PCDHGA5: variants seen among roughly 807,000 people sequenced by gnomAD.
PCDHGA5 encodes protocadherin gamma-A5.
Under a neutral mutation model 56.7 loss-of-function variants are expected in PCDHGA5, and 36 were observed. The observed-to-expected ratio is 0.64, with a 90% CI of 0.49 to 0.84. PCDHGA5 has a LOEUF of 0.84. PCDHGA5 is among the 40% of genes least tolerant of loss of function. The pLI, the probability that PCDHGA5 is intolerant of heterozygous loss-of-function variation, is 0.00. For synonymous variants in PCDHGA5, 563 were observed against 520.2 expected, an observed-to-expected ratio of 1.08 and a Z score of -1.12; for missense variants, 1,305 against 1,201.5, an observed-to-expected ratio of 1.09 and a Z score of -1.27.
At chr5:141,391,607 A>G (rs1436377162) in intron 1 of PCDHGA5, 1 of 152,212 alleles carries the variant, frequency 6.6e-6, no homozygotes, top group Non-Finnish European at 1.5e-5. Flanking sequence ...TTCAGATTTC[A>G]TGAGTGGTTT....
rs1373930718 is a variant in PCDHGA5, at chr5:141,366,075, C to T, written c.1745C>T (p.Ala582Val). The stretch of plus-strand genomic sequence containing the variant: ...GGCGTGGAGCTGGCGCCTCGCTCCG[C>T]AGAACCTGGCTACCTGGTGACCAAG... ...STGVELAPRS[A>V]EPGYLVTKVV... The change falls in exon 1 of 4, where the codon GCA becomes GTA. Residue 582 changes from alanine to valine, a missense_variant. Ala to Val is a moderately conservative substitution (Grantham distance 64). Coordinates refer to ENST00000518069, the MANE Select transcript of PCDHGA5 (RefSeq NM_018918.3). 6.2e-7 allele frequency: 1 copy of T among 1,614,264 alleles called. No homozygotes were observed. The highest frequency in any genetic ancestry group is 1.7e-5 in the Admixed American group (1 of 60,032).
chr5:141,482,981 AGG>A (rs2099575420), intron 1 of PCDHGA5, among the ~76,000 whole-genome samples: 1 of 150,250 alleles, frequency 6.7e-6, no homozygotes, highest in African/African-American at 2.5e-5. Context: ...GCTACTTGAG[AGG>A]TCGAGGCAGG....
At chr5:141,395,347 C>T in intron 1 of PCDHGA5, 1 of 1,392,780 alleles carries the variant, frequency 7.2e-7, no homozygotes, top group Non-Finnish European at 9.5e-7. Flanking sequence ...TAAGGTGTAT[C>T]ACAGAGTTTT....
At chr5:141,505,044 C>G (rs1446394128) in intron 2 of PCDHGA5, among the ~76,000 whole-genome samples, 3 of 152,156 alleles carry the variant, frequency 2.0e-5, no homozygotes, top group African/African-American at 7.2e-5. Context: ...TGCCTGTCAT[C>G]CCAGCTACTT....
intron 1 of PCDHGA5, chr5:141,423,684 T>TA (rs1412198122): frequency 1.3e-6 from 2 of 1,524,644 alleles, no homozygotes; most frequent in Non-Finnish European, 1.8e-6. Context: ...CTCTGCCTCC[T>TA]AATTGTTGGT....
chr5:141,447,168 T>C (rs1027377060), intron 1 of PCDHGA5, among the ~76,000 whole-genome samples: 2 of 152,174 alleles, frequency 1.3e-5, no homozygotes, highest in Non-Finnish European at 2.9e-5. Context: ...AAGCGGGGTC[T>C]TGCTCTTGTC....
chr5:141,483,711 A>G (rs1258383632), intron 1 of PCDHGA5, among the ~76,000 whole-genome samples: 2 of 152,122 alleles, frequency 1.3e-5, no homozygotes, highest in African/African-American at 2.4e-5. Context: ...TGACACCAGA[A>G]TATTGGTTCC....
At chr5:141,410,699 A>T (rs760193148) in intron 1 of PCDHGA5, 1 of 1,478,344 alleles carries the variant, frequency 6.8e-7, no homozygotes, top group East Asian at 2.3e-5. Flanking sequence ...CTTTATTTTC[A>T]TATCTAGAAT....
intron 1 of PCDHGA5, chr5:141,416,673 C>A (rs1259750007): frequency 6.6e-6 from 1 of 151,958 alleles, no homozygotes; most frequent in Non-Finnish European, 1.5e-5. Flanking sequence ...ATATATGCAA[C>A]GAAGGGAAAT....
Position 141,511,843 on chromosome 5 carries a change from GT to G in PCDHGA5, c.*674del, listed in dbSNP as rs1413398495. On this transcript the variant is annotated 3_prime_UTR_variant, in exon 4 of 4. Coordinates refer to ENST00000518069, the MANE Select transcript of PCDHGA5 (RefSeq NM_018918.3). ...CCAACGCCCTGGGGACCAGTCTTCT[GT>G]TTTGTTTTTCATTGTTTGACGTTTC... 1 of 156,550 alleles carries G rather than the reference GT, an allele frequency of 6.4e-6. No individual in the cohort carries two copies. The highest frequency in any genetic ancestry group is 2.4e-5 in the African/African-American group (1 of 41,452). The allele number at this position is 156,550 out of a possible 1,614,324, so 9.7% of individuals were successfully genotyped here. A position where few individuals can be genotyped will look rare whatever the true frequency, so the allele number is the denominator to read the frequency against.
intron 1 of PCDHGA5, chr5:141,391,390 C>G (rs1268177633): frequency 6.6e-6 from 1 of 151,476 alleles, no homozygotes; most frequent in Non-Finnish European, 1.5e-5. Context: ...ATAGCTCCCT[C>G]CAGCCTCAAA....
chr5:141,487,397 G>C lies in PCDHGA5; in HGVS notation c.2422-7410G>C. On this transcript the variant is annotated intron_variant, in intron 1 of 3. Coordinates refer to ENST00000518069, the MANE Select transcript of PCDHGA5 (RefSeq NM_018918.3). The surrounding 1 kb of genome is among the most constrained non-coding windows in gnomAD (Gnocchi z 5.0). ...TCTCACCAGATCTCGAAGGAGGGAG[G>C]GGCTTCCCCCTTCCAATGGGATCCT... The C allele has an allele frequency of 6.2e-7, 1 of 1,614,062 alleles. No homozygotes were observed. The highest frequency in any genetic ancestry group is 8.5e-7 in the Non-Finnish European group (1 of 1,180,008).
chr5:141,410,083 C>T (rs752701599), intron 1 of PCDHGA5: 102 of 1,612,590 alleles, frequency 6.3e-5, no homozygotes, highest in Non-Finnish European at 4.7e-5. Flanking sequence ...GGGAGGTGCG[C>T]ACGGCTCGAG....
At position 141,404,503 on chromosome 5, in the gene PCDHGA5, G is replaced by A. The variant is rs771196227; in HGVS notation, c.2421+37752G>A. 8 of 1,613,720 alleles carry A rather than the reference G, an allele frequency of 5.0e-6. No homozygotes were observed. In the East Asian group the frequency reaches 1.8e-4, roughly 36 times the overall value. On this transcript the variant is annotated intron_variant, in intron 1 of 3. Coordinates refer to ENST00000518069, the MANE Select transcript of PCDHGA5 (RefSeq NM_018918.3). Reference sequence around the variant, plus strand: ...CAGACACTGGTGTGCTGTATGCTCTGTGCTCCTTTGACTATGAGCAGTTTA... The same window carrying A: ...CAGACACTGGTGTGCTGTATGCTCTATGCTCCTTTGACTATGAGCAGTTTA...
intron 1 of PCDHGA5, chr5:141,468,330 C>CAAAAAAAAAAAAAAAAGAAAAAAAAAAA (rs2099163578): frequency 1.3e-5 from 1 of 79,888 alleles, no homozygotes; most frequent in African/African-American, 3.9e-5. Flanking sequence ...AACTCCATCT[C>CAAAAAAAAAAAAAAAAGAAAAAAAAAAA]AAAAAAAAAA....
At chr5:141,399,627 C>G (rs751717107) in intron 1 of PCDHGA5, 12 of 1,613,906 alleles carry the variant, frequency 7.4e-6, no homozygotes, top group South Asian at 1.1e-5. Context: ...TGGCCTCTTA[C>G]GTGTCCATGA....
chr5:141,438,613 TATATATATATATATATATATATAC>T (rs1240061633), intron 1 of PCDHGA5, among the ~76,000 whole-genome samples: 627 of 36,484 alleles, frequency 0.017, 21 homozygotes, highest in African/African-American at 0.051. Flanking sequence ...TATATATATA[TATATATATATATATATATATATAC>T]ACACACACAC....
Position 141,489,629 on chromosome 5 carries a change from C to T in PCDHGA5, c.2422-5178C>T. Reference sequence around the variant, plus strand: ...GAGATCCTGGATCTCAATGACAACTCTCCTAGCTTTGCCACCCCTGAGCGA... The same window carrying T: ...GAGATCCTGGATCTCAATGACAACTTTCCTAGCTTTGCCACCCCTGAGCGA... On this transcript the variant is annotated intron_variant, in intron 1 of 3. Transcript: ENST00000518069. This position sits in a 1 kb window ranked among gnomAD's most constrained non-coding sequence, Gnocchi z 4.5. 6.2e-7 allele frequency: 1 copy of T among 1,614,142 alleles called. No homozygotes were observed. The highest frequency in any genetic ancestry group is 1.7e-5 in the Admixed American group (1 of 60,032).
chr5:141,404,764 C>T (rs371618979), intron 1 of PCDHGA5: 1 of 1,613,802 alleles, frequency 6.2e-7, no homozygotes, highest in Non-Finnish European at 8.5e-7. Context: ...ATGCTTGGCT[C>T]TCCTACCGCC....
Sources: allele counts gnomAD v4.1 joint callset (sites outside exome capture counted in the v4.1 genomes callset), GRCh38; gene constraint gnomAD v4.1.1; non-coding constraint Gnocchi (gnomAD v3.1); transcripts MANE v1.5; gene names NCBI Gene and HGNC (gene_info 2026-07-23, HGNC 2026-07-21).